Variants in ARL4A observed in about 807,000 individuals in gnomAD.
The protein encoded by ARL4A is ADP-ribosylation factor-like protein 4A.
Under a neutral mutation model 13.9 loss-of-function variants are expected in ARL4A, and 5 were observed. That is an observed-to-expected ratio of 0.36 (90% CI 0.19 to 0.75). The LOEUF is 0.75. ARL4A is among the 30% of genes least tolerant of loss of function. ARL4A has a pLI of 0.53. For missense variants in ARL4A, 147 were observed against 225.8 expected, an observed-to-expected ratio of 0.65 and a Z score of 2.24; for synonymous variants, 77 against 84.4, an observed-to-expected ratio of 0.91 and a Z score of 0.48.
chr7:12,688,080 C>A lies in ARL4A; in HGVS notation c.-89-86C>A. On this transcript the variant is annotated intron_variant, in intron 1 of 1. Transcript: ENST00000651779. The surrounding 1 kb of genome is among the most constrained non-coding windows in gnomAD (Gnocchi z 5.2). ...GCGCAGCAAGTTATAGTAAGTTCTT[C>A]GTGTTGTTTATTTTAGCAAAGTAGA... 1 of 883,658 alleles carries A rather than the reference C, an allele frequency of 1.1e-6. No homozygotes were observed. The highest frequency in any genetic ancestry group is 2.1e-5 in the South Asian group (1 of 47,644). The allele number at this position is 883,658 out of a possible 1,614,324, so 54.7% of individuals were successfully genotyped here.
chr7:12,690,134 G>A lies in ARL4A; in HGVS notation c.*1277G>A, dbSNP rs1422008632. 1.8e-5 allele frequency: 3 copies of A among 166,936 alleles called. No homozygotes were observed. Among genetic ancestry groups the A allele is most frequent in the Non-Finnish European group, 4.4e-5 (3 of 68,086 alleles). 10.3% of individuals were successfully genotyped at this position (166,936 alleles called of 1,614,324 possible). ...ATTGGAATAAAAAGCTCTATAAGGA[G>A]GAAAGGCCTTTATCTAATTCTTATC... On this transcript the variant is annotated 3_prime_UTR_variant, in exon 2 of 2. Transcript: ENST00000651779.
Position 12,689,522 on chromosome 7 carries a change from G to C in ARL4A, c.*665G>C, listed in dbSNP as rs529127714. 1 of 166,942 alleles carries C rather than the reference G, an allele frequency of 6.0e-6. No homozygotes were observed. The highest frequency in any genetic ancestry group is 2.4e-5 in the African/African-American group (1 of 41,570). 10.3% of individuals were successfully genotyped at this position (166,942 alleles called of 1,614,324 possible). On this transcript the variant is annotated 3_prime_UTR_variant, in exon 2 of 2. Coordinates refer to ENST00000651779, the MANE Select transcript of ARL4A (RefSeq NM_005738.5). Reference sequence around the variant, plus strand: ...TGCATGGATTAGTTTTCCTGACAAAGCATGTTTTGGTGTGTAGTCTTACTT... The same window carrying C: ...TGCATGGATTAGTTTTCCTGACAAACCATGTTTTGGTGTGTAGTCTTACTT...
In ARL4A at chr7:12,690,627, T is replaced by TG. The variant is rs1784605157; in HGVS notation, c.*1770_*1771insG. 1 of 161,440 alleles carries TG rather than the reference T, an allele frequency of 6.2e-6. No homozygotes were observed. The highest frequency in any genetic ancestry group is 1.5e-5 in the Non-Finnish European group (1 of 67,776). 10.0% of individuals were successfully genotyped at this position (161,440 alleles called of 1,614,324 possible). A position where few individuals can be genotyped will look rare whatever the true frequency, so the allele number is the denominator to read the frequency against. ...AGATGTGACAGGCATTGAAGGCTGTTTTTTTTTTTTTCTCCCTTCACTGAT... is the reference window on the plus strand; with the variant it reads ...AGATGTGACAGGCATTGAAGGCTGTTGTTTTTTTTTTTCTCCCTTCACTGAT... On this transcript the variant is annotated 3_prime_UTR_variant, in exon 2 of 2. Transcript: ENST00000651779.
At position 12,689,632 on chromosome 7, in the gene ARL4A, C is replaced by T. The variant is rs527639501; in HGVS notation, c.*775C>T. On this transcript the variant is annotated 3_prime_UTR_variant, in exon 2 of 2. Transcript: ENST00000651779. ...GGCTATTATAGGAATAGTTTGTTGT[C>T]AGAAGCACTTTCACTTGAAGAACCT... The T allele has an allele frequency of 6.0e-6, 1 of 166,422 alleles. No individual in the cohort carries two copies. Among genetic ancestry groups the T allele is most frequent in the Admixed American group, 6.5e-5 (1 of 15,292 alleles). 10.3% of individuals were successfully genotyped at this position (166,422 alleles called of 1,614,324 possible). A position where few individuals can be genotyped will look rare whatever the true frequency, so the allele number is the denominator to read the frequency against.
At position 12,688,396 on chromosome 7, in the gene ARL4A, A is replaced by G. The variant is rs1784561755; in HGVS notation, c.142A>G (p.Thr48Ala). 6.2e-7 allele frequency: 1 copy of G among 1,613,972 alleles called. No homozygotes were observed. The highest frequency in any genetic ancestry group is 8.5e-7 in the Non-Finnish European group (1 of 1,179,868). Residue 48 changes from threonine to alanine, a missense_variant, in exon 2 of 2, where the codon ACC (threonine) becomes GCC (alanine). Coordinates refer to ENST00000651779, the MANE Select transcript of ARL4A (RefSeq NM_005738.5). This position sits in a 1 kb window ranked among gnomAD's most constrained non-coding sequence, Gnocchi z 5.2. ...GCTGCAGTTCAATGAATTTGTAAAT[A>G]CCGTACCTACCAAAGGATTTAACAC... ...YRLQFNEFVN[T>A]VPTKGFNTEK... is the part of the protein sequence containing the mutation.
Position 12,688,288 on chromosome 7 carries a change from C to T in ARL4A, c.34C>T (p.Leu12=). The T allele has an allele frequency of 1.2e-6, 2 of 1,609,902 alleles. No individual in the cohort carries two copies. Among genetic ancestry groups the T allele is most frequent in the South Asian group, 2.2e-5 (2 of 90,386 alleles). ...GNGLSDQTSI[L]SNLPSFQSFH... ...TGGGCTGTCAGACCAGACTTCTATC[C>T]TGTCCAACCTGCCTTCATTTCAGTC... The change falls in exon 2 of 2, where the codon CTG becomes TTG. Residue 12 remains leucine (L), a synonymous_variant. Transcript: ENST00000651779. This position sits in a 1 kb window ranked among gnomAD's most constrained non-coding sequence, Gnocchi z 5.2.
In ARL4A at chr7:12,688,969, A is replaced by C; in HGVS notation, c.*112A>C. The C allele has an allele frequency of 8.8e-7, 1 of 1,134,306 alleles. No individual in the cohort carries two copies. The highest frequency in any genetic ancestry group is 2.4e-5 in the East Asian group (1 of 41,610). 70.3% of individuals were successfully genotyped at this position (1,134,306 alleles called of 1,614,324 possible). On this transcript the variant is annotated 3_prime_UTR_variant, in exon 2 of 2. Transcript: ENST00000651779. This position sits in a 1 kb window ranked among gnomAD's most constrained non-coding sequence, Gnocchi z 5.2. Reference sequence around the variant, plus strand: ...TGTCTGCCCTCCTGGATGCTATTAAAGCTTTGTTTTGTTGAACAATCAGAT... The same window carrying C: ...TGTCTGCCCTCCTGGATGCTATTAACGCTTTGTTTTGTTGAACAATCAGAT...
rs557048939 is a variant in ARL4A, at chr7:12,690,731, G to T, written c.*1874G>T. 1.2e-5 allele frequency: 2 copies of T among 164,382 alleles called. No homozygotes were observed. Among genetic ancestry groups the T allele is most frequent in the East Asian group, 3.9e-4 (2 of 5,112 alleles). The allele number at this position is 164,382 out of a possible 1,614,324, so 10.2% of individuals were successfully genotyped here. ...AAGCTTGCTGAAAAAAAAAATCTGT[G>T]TATCAATTAGATTTACCAGTTTGCC... On this transcript the variant is annotated 3_prime_UTR_variant, in exon 2 of 2. Coordinates refer to ENST00000651779, the MANE Select transcript of ARL4A (RefSeq NM_005738.5).
rs890716666 is a variant in ARL4A at position 12,690,140 on chromosome 7, GC to G, written c.*1285del. The G allele has an allele frequency of 1.4e-4, 24 of 166,940 alleles. No individual in the cohort carries two copies. The highest frequency in any genetic ancestry group is 5.8e-4 in the African/African-American group (24 of 41,424). 10.3% of individuals were successfully genotyped at this position (166,940 alleles called of 1,614,324 possible). ...ATAAAAAGCTCTATAAGGAGGAAAG[GC>G]CTTTATCTAATTCTTATCTACAGAC... On this transcript the variant is annotated 3_prime_UTR_variant, in exon 2 of 2. Coordinates refer to ENST00000651779, the MANE Select transcript of ARL4A (RefSeq NM_005738.5).
Position 12,690,848 on chromosome 7 carries a change from A to G in ARL4A, c.*1991A>G, listed in dbSNP as rs926142003. On this transcript the variant is annotated 3_prime_UTR_variant, in exon 2 of 2. Coordinates refer to ENST00000651779, the MANE Select transcript of ARL4A (RefSeq NM_005738.5). Reference sequence around the variant, plus strand: ...GACCCTTTGTAGCCTAAGTACGTAAACAAATTAATGTTATCTAAGTTTTTC... The same window carrying G: ...GACCCTTTGTAGCCTAAGTACGTAAGCAAATTAATGTTATCTAAGTTTTTC... 1.2e-5 allele frequency: 2 copies of G among 167,000 alleles called. No homozygotes were observed. The highest frequency in any genetic ancestry group is 2.9e-5 in the Non-Finnish European group (2 of 68,116). 10.3% of individuals were successfully genotyped at this position (167,000 alleles called of 1,614,324 possible). A position where few individuals can be genotyped will look rare whatever the true frequency, so the allele number is the denominator to read the frequency against.
chr7:12,687,479 G>C (rs796402720), upstream of ARL4A: 20 of 152,768 alleles, frequency 1.3e-4, no homozygotes, highest in African/African-American at 4.8e-4. This position sits in a 1 kb window ranked among gnomAD's most constrained non-coding sequence, Gnocchi z 5.6. Flanking sequence ...CGCCGCGCTG[G>C]GAGCGGCAGT....
In ARL4A at chr7:12,688,461, C is replaced by A. The variant is rs1338542232; in HGVS notation, c.207C>A (p.Val69=). The A allele has an allele frequency of 6.2e-7, 1 of 1,612,496 alleles. No homozygotes were observed. The highest frequency in any genetic ancestry group is 1.7e-5 in the Admixed American group (1 of 60,010). ...TAACCTTGGGAAATTCTAAAACAGT[C>A]ACTTTTCACTTCTGGGATGTAGGTG... ...IKVTLGNSKT[V]TFHFWDVGGQ... The change falls in exon 2 of 2, where the codon GTC becomes GTA. Residue 69 remains valine, a synonymous_variant. Coordinates refer to ENST00000651779, the MANE Select transcript of ARL4A (RefSeq NM_005738.5). This position sits in a 1 kb window ranked among gnomAD's most constrained non-coding sequence, Gnocchi z 5.2.
rs1278631008 is a variant in ARL4A, at chr7:12,690,314, T to C, written c.*1457T>C. 3.8e-5 allele frequency: 6 copies of C among 159,798 alleles called. No homozygotes were observed. Among genetic ancestry groups the C allele is most frequent in the Admixed American group, 1.4e-4 (2 of 14,674 alleles). The allele number at this position is 159,798 out of a possible 1,614,324, so 9.9% of individuals were successfully genotyped here. A position where few individuals can be genotyped will look rare whatever the true frequency, so the allele number is the denominator to read the frequency against. ...TTTGTTTTTTTGTTTTTTTTTTTTT[T>C]CAGTGGCATAACAGTTTTTGGAACC... On this transcript the variant is annotated 3_prime_UTR_variant, in exon 2 of 2. Transcript: ENST00000651779.
rs778749672 is a variant in ARL4A, at chr7:12,688,361, T to A, written c.107T>A (p.Val36Asp). 1 of 1,613,974 alleles carries A rather than the reference T, an allele frequency of 6.2e-7. No individual in the cohort carries two copies. The highest frequency in any genetic ancestry group is 1.1e-5 in the South Asian group (1 of 91,070). ...LGLDCAGKTT[V>D]LYRLQFNEFV... ...TTGGACTGTGCTGGAAAGACAACTG[T>A]CTTATACAGGCTGCAGTTCAATGAA... Residue 36 changes from valine (V) to aspartate (D), a missense_variant, in exon 2 of 2, where the codon GTC (valine) becomes GAC (aspartate). Transcript: ENST00000651779. The surrounding 1 kb of genome is among the most constrained non-coding windows in gnomAD (Gnocchi z 5.2).
In ARL4A at chr7:12,688,089, T is replaced by C; in HGVS notation, c.-89-77T>C. 1.9e-6 allele frequency: 2 copies of C among 1,043,790 alleles called. No individual in the cohort carries two copies. The highest frequency in any genetic ancestry group is 2.7e-6 in the Non-Finnish European group (2 of 737,742). 64.7% of individuals were successfully genotyped at this position (1,043,790 alleles called of 1,614,324 possible). A position where few individuals can be genotyped will look rare whatever the true frequency, so the allele number is the denominator to read the frequency against. The stretch of plus-strand genomic sequence containing the variant: ...GTTATAGTAAGTTCTTCGTGTTGTT[T>C]ATTTTAGCAAAGTAGAGCAAACCTG... On this transcript the variant is annotated intron_variant, in intron 1 of 1. Transcript: ENST00000651779. This position sits in a 1 kb window ranked among gnomAD's most constrained non-coding sequence, Gnocchi z 5.2.
Position 12,688,623 on chromosome 7 carries a change from A to T in ARL4A, c.369A>T (p.Glu123Asp), listed in dbSNP as rs1784565793. 6.2e-7 allele frequency: 1 copy of T among 1,613,470 alleles called. No homozygotes were observed. Among genetic ancestry groups the T allele is most frequent in the Non-Finnish European group, 8.5e-7 (1 of 1,179,866 alleles). Residue 123 changes from glutamate to aspartate, a missense_variant, in exon 2 of 2, where the codon GAA becomes GAT. Physicochemically the swap from Glu to Asp is conservative, Grantham distance 45. Coordinates refer to ENST00000651779, the MANE Select transcript of ARL4A (RefSeq NM_005738.5). The surrounding 1 kb of genome is among the most constrained non-coding windows in gnomAD (Gnocchi z 5.2). ...TTCACAAAATAACTAGGATATCAGAAAATCAGGGAGTCCCTGTACTTATAG... is the reference window on the plus strand; with the variant it reads ...TTCACAAAATAACTAGGATATCAGATAATCAGGGAGTCCCTGTACTTATAG... ...TELHKITRIS[E>D]NQGVPVLIVA...
Position 12,689,005 on chromosome 7 carries a change from G to C in ARL4A, c.*148G>C, listed in dbSNP as rs1340359176. On this transcript the variant is annotated 3_prime_UTR_variant, in exon 2 of 2. Coordinates refer to ENST00000651779, the MANE Select transcript of ARL4A (RefSeq NM_005738.5). ...GTTGAACAATCAGATGCCCAACTCT[G>C]TTGCCTTGTGGAAGATGAGTAAATG... 2.6e-6 allele frequency: 2 copies of C among 765,878 alleles called. No individual in the cohort carries two copies. The highest frequency in any genetic ancestry group is 2.7e-5 in the East Asian group (1 of 36,794). 47.4% of individuals were successfully genotyped at this position (765,878 alleles called of 1,614,324 possible). A position where few individuals can be genotyped will look rare whatever the true frequency, so the allele number is the denominator to read the frequency against.
In ARL4A at chr7:12,688,040, C is replaced by T. The variant is rs747641633; in HGVS notation, c.-89-126C>T. 3 of 549,220 alleles carry T rather than the reference C, an allele frequency of 5.5e-6. No individual in the cohort carries two copies. The highest frequency in any genetic ancestry group is 3.6e-5 in the Admixed American group (1 of 27,782). The allele number at this position is 549,220 out of a possible 1,614,324, so 34.0% of individuals were successfully genotyped here. ...GTGTTTTCATGTACGTTTCATATCT[C>T]GTCTGGTTTGTTTAGCGCAGCAAGT... On this transcript the variant is annotated intron_variant, in intron 1 of 1. Coordinates refer to ENST00000651779, the MANE Select transcript of ARL4A (RefSeq NM_005738.5). The surrounding 1 kb of genome is among the most constrained non-coding windows in gnomAD (Gnocchi z 5.2).
chr7:12,688,202 T>G lies in ARL4A; in HGVS notation c.-53T>G. On this transcript the variant is annotated 5_prime_UTR_variant, in exon 2 of 2. Coordinates refer to ENST00000651779, the MANE Select transcript of ARL4A (RefSeq NM_005738.5). This position sits in a 1 kb window ranked among gnomAD's most constrained non-coding sequence, Gnocchi z 5.2. ...CTGGATCAGCTACCAAGAGAAGTTG[T>G]AAACCAAGAAGAGAAAAGCATTTCA... is the stretch of plus-strand genomic sequence containing the variant. 2 of 1,522,520 alleles carry G rather than the reference T, an allele frequency of 1.3e-6. No homozygotes were observed. Among genetic ancestry groups the G allele is most frequent in the South Asian group, 1.3e-5 (1 of 74,822 alleles). 94.3% of individuals were successfully genotyped at this position (1,522,520 alleles called of 1,614,324 possible).
Sources: allele counts gnomAD v4.1 joint callset, GRCh38; gene constraint gnomAD v4.1.1; non-coding constraint Gnocchi (gnomAD v3.1); transcripts MANE v1.5; gene names NCBI Gene and HGNC (gene_info 2026-07-23, HGNC 2026-07-21).